Variants in CDKAL1 observed in about 807,000 individuals in gnomAD.
CDKAL1 encodes the protein CDKAL1 threonylcarbamoyladenosine tRNA methylthiotransferase.
Under a neutral mutation model 68.2 loss-of-function variants are expected in CDKAL1, and 32 were observed. The ratio of observed to expected loss-of-function variants is 0.47; its 90% CI spans 0.35 to 0.63. The LOEUF is 0.63. CDKAL1 is among the 30% of genes least tolerant of loss of function. The pLI is 0.00. For missense variants in CDKAL1, 606 were observed against 696.7 expected (o/e 0.87, Z 1.47); for synonymous variants, 234 against 244.3 (o/e 0.96, Z 0.39).
At chr6:20,616,574 T>C (rs1012608912) in intron 4 of CDKAL1, among the ~76,000 whole-genome samples, 6 of 146,054 alleles carry the variant, frequency 4.1e-5, no homozygotes, top group Non-Finnish European at 3.0e-5. Flanking sequence ...ATGATTTGGC[T>C]CTCTGTTTGT....
At chr6:20,685,216 A>T (rs1043020886) in intron 5 of CDKAL1, among the ~76,000 whole-genome samples, 2 of 152,156 alleles carry the variant, frequency 1.3e-5, no homozygotes, top group African/African-American at 4.8e-5. Context: ...TTTTTTTAGC[A>T]TGTGGATGTC....
intron 11 of CDKAL1, among the ~76,000 whole-genome samples, chr6:21,016,117 G>A (rs998270997): frequency 1.3e-5 from 2 of 150,294 alleles, no homozygotes; most frequent in East Asian, 2.0e-4. Flanking sequence ...TGAACACTTA[G>A]AATGTATGAG....
At chr6:20,994,478 A>G (rs188647452) in intron 10 of CDKAL1, among the ~76,000 whole-genome samples, 3 of 152,258 alleles carry the variant, frequency 2.0e-5, no homozygotes, top group African/African-American at 7.2e-5. Context: ...GATGAAAAGA[A>G]AAAAGAAAAG....
intron 13 of CDKAL1, among the ~76,000 whole-genome samples, chr6:21,131,291 A>G (rs186684915): frequency 6.6e-6 from 1 of 152,320 alleles, no homozygotes; most frequent in Admixed American, 6.5e-5. Context: ...ATATTTTTTA[A>G]TCATGTCTTC....
chr6:20,729,901 G>A (rs1253280372), intron 5 of CDKAL1, among the ~76,000 whole-genome samples: 2 of 152,168 alleles, frequency 1.3e-5, no homozygotes, highest in African/African-American at 4.8e-5. Context: ...GCTACAATGT[G>A]CCAGGCATAC....
intron 11 of CDKAL1, among the ~76,000 whole-genome samples, chr6:21,008,214 A>G (rs558677129): frequency 2.1e-4 from 32 of 152,308 alleles, no homozygotes; most frequent in South Asian, 1.5e-3. Context: ...TCAGGAGCCA[A>G]AAAGAAAGAT....
chr6:20,878,244 ATGGAG>A (rs1760629600), intron 9 of CDKAL1, among the ~76,000 whole-genome samples: 1 of 152,164 alleles, frequency 6.6e-6, no homozygotes, highest in African/African-American at 2.4e-5. Flanking sequence ...TGCTGGTGGA[ATGGAG>A]TGGAGACCCA....
chr6:21,130,877 A>G (rs1775282754), intron 13 of CDKAL1, among the ~76,000 whole-genome samples: 1 of 152,166 alleles, frequency 6.6e-6, no homozygotes, highest in Non-Finnish European at 1.5e-5. Context: ...GAAATTGCCA[A>G]TGCCAGGACT....
At chr6:21,118,303 G>T (rs775294010) in intron 13 of CDKAL1, among the ~76,000 whole-genome samples, 5 of 152,144 alleles carry the variant, frequency 3.3e-5, no homozygotes, top group Non-Finnish European at 5.9e-5. Context: ...TCCTTTTTCT[G>T]CGCTGCTCAC....
intron 4 of CDKAL1, among the ~76,000 whole-genome samples, chr6:20,613,428 C>G (rs1766738462): frequency 6.6e-6 from 1 of 150,532 alleles, no homozygotes; most frequent in East Asian, 1.9e-4. Flanking sequence ...GCATGTGCCA[C>G]CATACCCGGC....
chr6:20,675,674 C>T (rs1770057729), intron 5 of CDKAL1, among the ~76,000 whole-genome samples: 3 of 152,150 alleles, frequency 2.0e-5, no homozygotes, highest in Non-Finnish European at 2.9e-5. Context: ...AAGTATAGCA[C>T]GTACAATCGT....
chr6:20,978,186 A>G (rs929186732), intron 10 of CDKAL1, among the ~76,000 whole-genome samples: 1 of 152,256 alleles, frequency 6.6e-6, no homozygotes, highest in Non-Finnish European at 1.5e-5. Flanking sequence ...CCTAAAGGAC[A>G]TTCCACATAA....
At chr6:20,566,423 AG>A (rs1764464156) in intron 4 of CDKAL1, among the ~76,000 whole-genome samples, 1 of 152,206 alleles carries the variant, frequency 6.6e-6, no homozygotes, top group African/African-American at 2.4e-5. Context: ...GAACTGAAAA[AG>A]AACAAGAAAA....
chr6:20,709,609 C>T (rs1014842996), intron 5 of CDKAL1, among the ~76,000 whole-genome samples: 1 of 152,104 alleles, frequency 6.6e-6, no homozygotes, highest in Non-Finnish European at 1.5e-5. Context: ...ATAGAAATCT[C>T]AGCTGAAACT....
chr6:20,650,479 T>C (rs1768708080), intron 5 of CDKAL1, among the ~76,000 whole-genome samples: 1 of 152,204 alleles, frequency 6.6e-6, no homozygotes, highest in South Asian at 2.1e-4. Flanking sequence ...TGTGGATAGA[T>C]TGCAAAAATT....
intron 8 of CDKAL1, among the ~76,000 whole-genome samples, chr6:20,784,971 A>G (rs945407736): frequency 3.9e-5 from 6 of 152,108 alleles, no homozygotes; most frequent in Non-Finnish European, 5.9e-5. Flanking sequence ...TTTTTTATGT[A>G]TATTATTTGA....
At chr6:20,978,517 T>C (rs189397206) in intron 10 of CDKAL1, among the ~76,000 whole-genome samples, 1 of 152,334 alleles carries the variant, frequency 6.6e-6, no homozygotes, top group East Asian at 1.9e-4. Context: ...CGCAAAATAC[T>C]ATGTGAAAAA....
At chr6:20,983,406 A>G (rs970904454) in intron 10 of CDKAL1, among the ~76,000 whole-genome samples, 2 of 152,312 alleles carry the variant, frequency 1.3e-5, no homozygotes, top group African/African-American at 4.8e-5. Context: ...ATAATATTAC[A>G]TGTATTTTAT....
rs570089682 is a variant in CDKAL1 at position 20,964,191 on chromosome 6, A to G, written c.909+8606A>G. Among the ~76,000 whole-genome samples, 10 of 152,358 alleles carry G rather than the reference A, an allele frequency of 6.6e-5. No individual in the cohort carries two copies. The East Asian group carries it at 1.2e-3, about 18-fold the overall frequency. On this transcript the variant is annotated intron_variant, in intron 10 of 15. Coordinates refer to ENST00000274695, the MANE Select transcript of CDKAL1 (RefSeq NM_017774.3). ...CTGGCGAGGGTACGGAGAAAAAGGA[A>G]TGCTTATACACTGTGGATGGAAGTG...
Sources: gnomAD v4.1 joint callset for allele counts (sites outside exome capture counted in the v4.1 genomes callset) on GRCh38, gnomAD v4.1.1 for gene constraint, MANE v1.5 for transcripts, NCBI Gene and HGNC (gene_info 2026-07-23, HGNC 2026-07-21) for gene names.